The following RAPGEF4 variants were observed in gnomAD, a reference collection of about 807,000 sequenced individuals.
RAPGEF4 encodes the protein Rap guanine nucleotide exchange factor 4.
A neutral mutation model predicts 147.9 loss-of-function variants in RAPGEF4; 66 were observed. That is an observed-to-expected ratio of 0.45 (90% CI 0.37 to 0.55). RAPGEF4 has a LOEUF of 0.55. RAPGEF4 is among the 20% of genes least tolerant of loss of function. The pLI is 0.00. For synonymous variants in RAPGEF4, 419 were observed against 442.7 expected (o/e 0.95, Z 0.67); for missense variants, 1,071 against 1,257.3 (o/e 0.85, Z 2.24).
intron 26 of RAPGEF4, among the ~76,000 whole-genome samples, chr2:173,031,006 A>C (rs1466525273): frequency 6.6e-6 from 1 of 152,226 alleles, no homozygotes; most frequent in African/African-American, 2.4e-5. Context: ...GACTCATGCT[A>C]AAAATAAAAA....
intron 4 of RAPGEF4, among the ~76,000 whole-genome samples, chr2:172,897,525 A>G (rs1698606117): frequency 2.0e-5 from 3 of 151,988 alleles, no homozygotes; most frequent in Admixed American, 6.6e-5. Context: ...CATCCTCCCA[A>G]GTAGCTAGGA....
intron 6 of RAPGEF4, among the ~76,000 whole-genome samples, chr2:172,926,940 G>T (rs186670939): frequency 6.6e-6 from 1 of 152,272 alleles, no homozygotes; most frequent in East Asian, 1.9e-4. Flanking sequence ...AAATACTGAA[G>T]AATGCTTTCT....
At chr2:172,956,765 T>C (rs1236164780) in intron 6 of RAPGEF4, among the ~76,000 whole-genome samples, 1 of 152,220 alleles carries the variant, frequency 6.6e-6, no homozygotes, top group Non-Finnish European at 1.5e-5. Flanking sequence ...CCACTGCGCC[T>C]GGCCCACAAA....
intron 4 of RAPGEF4, among the ~76,000 whole-genome samples, chr2:172,885,490 C>A (rs948932694): frequency 6.6e-6 from 1 of 152,134 alleles, no homozygotes; most frequent in Non-Finnish European, 1.5e-5. Context: ...TGAGACTGGG[C>A]AATTTACAAA....
At chr2:172,848,814 A>G (rs767711553) in intron 4 of RAPGEF4, among the ~76,000 whole-genome samples, 7 of 152,218 alleles carry the variant, frequency 4.6e-5, no homozygotes, top group Non-Finnish European at 8.8e-5. Context: ...TAAGGAATGC[A>G]GGTACCAAGA....
At chr2:172,981,612 A>G (rs966801233) in intron 10 of RAPGEF4, among the ~76,000 whole-genome samples, 1 of 152,190 alleles carries the variant, frequency 6.6e-6, no homozygotes, top group Non-Finnish European at 1.5e-5. Context: ...ATCTGTCTTT[A>G]TACAGTCAGG....
chr2:172,782,683 G>A (rs760636053), intron 1 of RAPGEF4, among the ~76,000 whole-genome samples: 2 of 152,192 alleles, frequency 1.3e-5, no homozygotes, highest in Non-Finnish European at 2.9e-5. Flanking sequence ...AAACCCATCC[G>A]GAAAGCATTT....
intron 1 of RAPGEF4, among the ~76,000 whole-genome samples, chr2:172,741,250 T>C (rs1694268434): frequency 6.6e-6 from 1 of 152,256 alleles, no homozygotes; most frequent in Non-Finnish European, 1.5e-5. Context: ...TCCATTGTAA[T>C]GGCCTGCTTA....
At chr2:172,948,152 ATTG>A (rs1687868256) in intron 6 of RAPGEF4, among the ~76,000 whole-genome samples, 2 of 152,294 alleles carry the variant, frequency 1.3e-5, no homozygotes, top group South Asian at 4.1e-4. Flanking sequence ...TACATGATGT[ATTG>A]TTCATTCTGT....
chr2:172,955,967 C>T (rs960967706), intron 6 of RAPGEF4, among the ~76,000 whole-genome samples: 8 of 152,206 alleles, frequency 5.3e-5, no homozygotes, highest in Non-Finnish European at 7.4e-5. Flanking sequence ...TTGACTCTCA[C>T]GGATACTGCA....
At chr2:172,831,265 A>ATTTTTTTTTTTT (rs1491195850) in intron 4 of RAPGEF4, among the ~76,000 whole-genome samples, 19 of 16,580 alleles carry the variant, frequency 1.1e-3, no homozygotes, top group East Asian at 2.4e-3. Flanking sequence ...CAGATAGAAA[A>ATTTTTTTTTTTT]CTTTTTTTTT....
At chr2:172,790,494 G>A (rs1483188856) in intron 1 of RAPGEF4, among the ~76,000 whole-genome samples, 1 of 152,184 alleles carries the variant, frequency 6.6e-6, no homozygotes, top group Non-Finnish European at 1.5e-5. Flanking sequence ...TATGAAGGGA[G>A]AAGAAAGGAG....
At chr2:172,988,137 T>C in intron 12 of RAPGEF4, 59 bp from the exon 13 acceptor site, 1 of 1,531,982 alleles carries the variant, frequency 6.5e-7, no homozygotes. Context: ...TGATAAGCTG[T>C]AATTTATATT....
intron 17 of RAPGEF4, among the ~76,000 whole-genome samples, chr2:173,002,568 T>TGG (rs1694035545): frequency 6.6e-6 from 1 of 152,090 alleles, no homozygotes; most frequent in Non-Finnish European, 1.5e-5. Context: ...CAAATCACTT[T>TGG]GGCCCTTTTG....
At chr2:173,030,410 G>A (rs1697080260) in intron 26 of RAPGEF4, among the ~76,000 whole-genome samples, 156 bp downstream of exon 26, 1 of 152,188 alleles carries the variant, frequency 6.6e-6, no homozygotes, top group Non-Finnish European at 1.5e-5. Flanking sequence ...TTTTCCAGTT[G>A]CCTCAGAGGG....
At chr2:172,785,640 C>T (rs764521835) in intron 1 of RAPGEF4, among the ~76,000 whole-genome samples, 32 of 152,050 alleles carry the variant, frequency 2.1e-4, no homozygotes, top group Non-Finnish European at 1.8e-4. Context: ...TTTCCAAAGA[C>T]GTCTGAAAAT....
chr2:172,888,376 C>T (rs537552690), intron 4 of RAPGEF4, among the ~76,000 whole-genome samples: 3 of 152,258 alleles, frequency 2.0e-5, no homozygotes, highest in East Asian at 3.9e-4. Flanking sequence ...TTTCCATGTG[C>T]GACACCATCA....
intron 2 of RAPGEF4, among the ~76,000 whole-genome samples, chr2:172,795,765 C>A (rs1559045280): frequency 6.6e-6 from 1 of 152,074 alleles, no homozygotes; most frequent in Non-Finnish European, 1.5e-5. Flanking sequence ...CAGAAGAAGT[C>A]CTGAGGTAGA....
chr2:172,792,851 C>A (rs1685963729), intron 1 of RAPGEF4, among the ~76,000 whole-genome samples: 1 of 152,204 alleles, frequency 6.6e-6, no homozygotes, highest in South Asian at 2.1e-4. Flanking sequence ...GCCACTTACA[C>A]AGAATCTTTT....
Sources: allele counts gnomAD v4.1 joint callset (sites outside exome capture counted in the v4.1 genomes callset), GRCh38; gene constraint gnomAD v4.1.1; transcripts MANE v1.5; gene names NCBI Gene and HGNC (gene_info 2026-07-23, HGNC 2026-07-21).